The following KLHL18 variants were observed in gnomAD, a reference collection of about 807,000 sequenced individuals.
The protein encoded by KLHL18 is kelch like family member 18, also known as kelch-like protein 18.
Under a neutral mutation model 58.5 loss-of-function variants are expected in KLHL18, and 38 were observed. The ratio of observed to expected loss-of-function variants is 0.65; its 90% CI spans 0.50 to 0.85. The LOEUF (loss-of-function observed/expected upper bound fraction) is 0.85, where lower values mean the gene tolerates loss of function less well. Among genes scored for constraint, KLHL18 ranks in the 40% least tolerant of loss-of-function variants. The pLI, the probability that KLHL18 is intolerant of heterozygous loss-of-function variation, is 0.00. For missense variants in KLHL18, 624 were observed against 778.4 expected (o/e 0.80, Z 2.36); for synonymous variants, 303 against 301.9 (o/e 1.00, Z -0.04).
intron 7 of KLHL18, among the ~76,000 whole-genome samples, chr3:47,339,999 T>C (rs1253981009): frequency 6.6e-6 from 1 of 152,156 alleles, no homozygotes; most frequent in Non-Finnish European, 1.5e-5. Flanking sequence ...CAGTGAGCTA[T>C]GATGGTACCA....
intron 7 of KLHL18, chr3:47,337,236 T>C (rs1485063781): frequency 5.7e-6 from 1 of 174,468 alleles, no homozygotes; most frequent in Non-Finnish European, 1.3e-5. Flanking sequence ...CTGGGGAGAA[T>C]ACGAACCAAA....
chr3:47,313,944 A>G (rs751725923), intron 1 of KLHL18, among the ~76,000 whole-genome samples: 80 of 152,360 alleles, frequency 5.3e-4, no homozygotes, highest in Non-Finnish European at 9.7e-4. Flanking sequence ...GAGGACTGAA[A>G]TGAGAAAATG....
chr3:47,287,979 G>C (rs1702712137), intron 1 of KLHL18, among the ~76,000 whole-genome samples: 1 of 152,008 alleles, frequency 6.6e-6, no homozygotes, highest in Admixed American at 6.6e-5. Context: ...TCCCAGCACT[G>C]TGGGAGGCCG....
intron 1 of KLHL18, among the ~76,000 whole-genome samples, chr3:47,285,775 A>G (rs1351239281): frequency 6.6e-6 from 1 of 151,718 alleles, no homozygotes; most frequent in Non-Finnish European, 1.5e-5. Flanking sequence ...GGCTGGGTGC[A>G]GTGGCTCACG....
chr3:47,316,594 CGTATATAT>C (rs1167449678), intron 1 of KLHL18, among the ~76,000 whole-genome samples: 20 of 107,666 alleles, frequency 1.9e-4, no homozygotes, highest in Non-Finnish European at 2.6e-4. Context: ...TACATATATA[CGTATATAT>C]GTATATGTGT....
At chr3:47,306,834 A>T (rs1264035752) in intron 1 of KLHL18, among the ~76,000 whole-genome samples, 1 of 152,126 alleles carries the variant, frequency 6.6e-6, no homozygotes, top group Non-Finnish European at 1.5e-5. Flanking sequence ...CTTCTCCTGG[A>T]TGTGAAATTA....
At chr3:47,315,256 G>A (rs948121277) in intron 1 of KLHL18, among the ~76,000 whole-genome samples, 2 of 152,008 alleles carry the variant, frequency 1.3e-5, no homozygotes, top group African/African-American at 4.8e-5. Context: ...TCCAGAATTG[G>A]AGACACCAAA....
At chr3:47,323,099 T>C (rs375076984) in intron 3 of KLHL18, among the ~76,000 whole-genome samples, 20 of 152,028 alleles carry the variant, frequency 1.3e-4, no homozygotes, top group African/African-American at 4.1e-4. Flanking sequence ...CTTTTCTTTT[T>C]TTTTTTCAAG....
chr3:47,311,013 CTT>C (rs372494094), intron 1 of KLHL18, among the ~76,000 whole-genome samples: 16 of 144,450 alleles, frequency 1.1e-4, no homozygotes, highest in Admixed American at 2.1e-4. Flanking sequence ...TTTCCTGATA[CTT>C]TTTTTTTTTT....
At chr3:47,331,323 C>T (rs1469710998) in intron 4 of KLHL18, among the ~76,000 whole-genome samples, 7 of 150,738 alleles carry the variant, frequency 4.6e-5, no homozygotes, top group African/African-American at 1.7e-4. Flanking sequence ...GATGGGGTTT[C>T]ACCACGTTGG....
chr3:47,343,119 T>G (rs563547925), intron 9 of KLHL18, among the ~76,000 whole-genome samples: 18 of 152,348 alleles, frequency 1.2e-4, no homozygotes, highest in African/African-American at 4.3e-4. Flanking sequence ...TAAGTTCAGT[T>G]ATAGACCAAG....
Position 47,343,921 on chromosome 3 carries a change from A to G in KLHL18, c.1705A>G (p.Ile569Val). The change falls in exon 10 of 10, where the codon ATC becomes GTC. Residue 569 changes from isoleucine (I) to valine (V), a missense_variant. Coordinates refer to ENST00000232766, the MANE Select transcript of KLHL18 (RefSeq NM_025010.5). The part of the protein sequence containing the change: ...CHEGGVGVGC[I>V]PLLTI ...TGAGGGAGGGGTCGGTGTGGGCTGC[A>G]TCCCTCTCCTCACCATCTAAGGCAG... The G allele has an allele frequency of 6.2e-7, 1 of 1,613,844 alleles. No individual in the cohort carries two copies. Among genetic ancestry groups the G allele is most frequent in the South Asian group, 1.1e-5 (1 of 91,092 alleles).
chr3:47,295,787 C>T (rs1412006372), intron 1 of KLHL18, among the ~76,000 whole-genome samples: 3 of 151,902 alleles, frequency 2.0e-5, no homozygotes, highest in African/African-American at 7.3e-5. Context: ...GCTTTGTTGC[C>T]CAGGCTGGTC....
intron 1 of KLHL18, among the ~76,000 whole-genome samples, chr3:47,299,350 G>A (rs1238744906): frequency 6.6e-6 from 1 of 152,120 alleles, no homozygotes; most frequent in Admixed American, 6.5e-5. Context: ...CTTGAGCCCA[G>A]GAGTCTGAAA....
chr3:47,309,976 C>T (rs1403593317), intron 1 of KLHL18, among the ~76,000 whole-genome samples: 8 of 56,078 alleles, frequency 1.4e-4, no homozygotes, highest in African/African-American at 5.1e-4. Context: ...AGAGGGAGAC[C>T]GTGGGGAGAG....
intron 2 of KLHL18, 62 bp from the exon 3 acceptor site, chr3:47,322,506 A>T (rs1703612094): frequency 3.4e-6 from 5 of 1,479,212 alleles, no homozygotes; most frequent in Non-Finnish European, 4.5e-6. Flanking sequence ...TTAGGGCCTG[A>T]GTCTCCCGTG....
At chr3:47,291,872 T>A (rs976427186) in intron 1 of KLHL18, among the ~76,000 whole-genome samples, 3 of 152,290 alleles carry the variant, frequency 2.0e-5, no homozygotes, top group Middle Eastern at 3.4e-3. Context: ...AACATAGAAG[T>A]TACTGTTAAA....
chr3:47,306,598 TATTAC>T (rs1703153347), intron 1 of KLHL18, among the ~76,000 whole-genome samples: 1 of 152,232 alleles, frequency 6.6e-6, no homozygotes, highest in African/African-American at 2.4e-5. Flanking sequence ...GTAAACATTT[TATTAC>T]ATATTTTCTG....
chr3:47,331,425 C>CTTTT (rs71098479), intron 4 of KLHL18, among the ~76,000 whole-genome samples: 47 of 58,538 alleles, frequency 8.0e-4, no homozygotes, highest in East Asian at 4.3e-3. Context: ...CATGCCAGGC[C>CTTTT]TTTTTTTTTT....
Sources: allele counts gnomAD v4.1 joint callset (sites outside exome capture counted in the v4.1 genomes callset), GRCh38; gene constraint gnomAD v4.1.1; transcripts MANE v1.5; gene names NCBI Gene and HGNC (gene_info 2026-07-23, HGNC 2026-07-21).